The following CAMTA1 variants were observed in gnomAD, a reference collection of about 807,000 sequenced individuals.
The protein encoded by CAMTA1 is calmodulin binding transcription activator 1.
A neutral mutation model predicts 170.9 loss-of-function variants in CAMTA1; 27 were observed. That is an observed-to-expected ratio of 0.16 (90% CI 0.12 to 0.22). The LOEUF is 0.22. CAMTA1 is among the 10% of genes least tolerant of loss of function. The pLI is 1.00. For missense variants in CAMTA1, 1,619 were observed against 2,217.2 expected (o/e 0.73, Z 5.42); for synonymous variants, 833 against 891.5 (o/e 0.93, Z 1.17).
intron 6 of CAMTA1, among the ~76,000 whole-genome samples, chr1:7,558,645 C>T (rs2094913572): frequency 6.6e-6 from 1 of 152,254 alleles, no homozygotes; most frequent in South Asian, 2.1e-4. Flanking sequence ...ATCCCTGTCC[C>T]CCCAGCCCCG....
At chr1:7,338,259 C>T (rs1322630179) in intron 5 of CAMTA1, among the ~76,000 whole-genome samples, 1 of 152,026 alleles carries the variant, frequency 6.6e-6, no homozygotes. Flanking sequence ...AGAGTGCACC[C>T]CCTTCCACAG....
intron 3 of CAMTA1, among the ~76,000 whole-genome samples, chr1:7,090,356 G>A (rs916672903): frequency 1.0e-3 from 159 of 152,290 alleles, no homozygotes; most frequent in Non-Finnish European, 4.9e-4. Flanking sequence ...TAGGAACCCC[G>A]GCTGCAGAGA....
At chr1:7,141,245 C>T (rs552768442) in intron 4 of CAMTA1, among the ~76,000 whole-genome samples, 1 of 152,274 alleles carries the variant, frequency 6.6e-6, no homozygotes, top group African/African-American at 2.4e-5. Flanking sequence ...CTGGGCTCTT[C>T]CTGACTTGCC....
intron 11 of CAMTA1, among the ~76,000 whole-genome samples, chr1:7,684,293 G>A (rs575097708): frequency 6.6e-6 from 1 of 152,322 alleles, no homozygotes; most frequent in South Asian, 2.1e-4. Context: ...GCCACCTGCG[G>A]GCCAGATGGC....
chr1:7,391,146 T>C (rs904888947), intron 5 of CAMTA1, among the ~76,000 whole-genome samples: 2 of 152,148 alleles, frequency 1.3e-5, no homozygotes, highest in Non-Finnish European at 2.9e-5. Context: ...TACAGGCATG[T>C]GCCACCATGC....
chr1:6,895,355 T>C (rs1675400170), intron 3 of CAMTA1, among the ~76,000 whole-genome samples: 2 of 152,214 alleles, frequency 1.3e-5, no homozygotes, highest in Non-Finnish European at 2.9e-5. Flanking sequence ...TACATCCATC[T>C]TTGCACATCT....
chr1:7,357,418 G>T (rs969414861), intron 5 of CAMTA1, among the ~76,000 whole-genome samples: 3 of 152,164 alleles, frequency 2.0e-5, no homozygotes, highest in Admixed American at 6.5e-5. Context: ...CCCCTTGCCG[G>T]GCTCTCAAGT....
chr1:6,801,424 G>A (rs183494512), intron 1 of CAMTA1, among the ~76,000 whole-genome samples: 284 of 152,218 alleles, frequency 1.9e-3, no homozygotes, highest in African/African-American at 5.5e-3. Flanking sequence ...GTTGTTGTGG[G>A]TGCTCTTTGC....
At chr1:7,129,820 C>T (rs1645142268) in intron 4 of CAMTA1, among the ~76,000 whole-genome samples, 1 of 152,134 alleles carries the variant, frequency 6.6e-6, no homozygotes, top group African/African-American at 2.4e-5. Flanking sequence ...CTCTAGACAA[C>T]CACTTACCTG....
intron 22 of CAMTA1, among the ~76,000 whole-genome samples, chr1:7,763,263 A>G (rs1044998567): frequency 6.6e-6 from 1 of 151,882 alleles, no homozygotes; most frequent in East Asian, 1.9e-4. Context: ...TTTTTTTTCT[A>G]ATTCCTCCTT....
chr1:7,003,704 T>C lies in CAMTA1; in HGVS notation c.235-87600T>C, dbSNP rs144961825. ...ATCATGGGAGGCCACAGAGGTACTT[T>C]GTTCAGAAGTTATTGTTTCCATTAG... On this transcript the variant is annotated intron_variant, in intron 3 of 22. Coordinates refer to ENST00000303635, the MANE Select transcript of CAMTA1 (RefSeq NM_015215.4). Among the ~76,000 whole-genome samples the C allele has an allele frequency of 8.9e-4, 135 of 152,358 alleles. 3 individuals are homozygous for C. In the East Asian group the frequency reaches 0.024, roughly 27 times the overall value.
rs1305116671 is a variant in CAMTA1 at position 7,463,993 on chromosome 1, A to C, written c.439-3837A>C. The stretch of plus-strand genomic sequence containing the variant: ...ACTTTTTTATAAAAATAAATAAATA[A>C]ATAAGCCCTATAGTGTCATAAAAGC... On this transcript the variant is annotated intron_variant, in intron 5 of 22. Coordinates refer to ENST00000303635, the MANE Select transcript of CAMTA1 (RefSeq NM_015215.4). This position sits in a 1 kb window ranked among gnomAD's most constrained non-coding sequence, Gnocchi z 4.7. Among the ~76,000 whole-genome samples, 2 of 152,248 alleles carry C rather than the reference A, an allele frequency of 1.3e-5. No homozygotes were observed. Among genetic ancestry groups the C allele is most frequent in the Non-Finnish European group, 2.9e-5 (2 of 68,050 alleles).
rs1362763207 is a variant in CAMTA1, at chr1:7,609,977, A to G, written c.511-30423A>G. 6.6e-6 allele frequency among the ~76,000 whole-genome samples: 1 copy of G among 152,196 alleles called. No homozygotes were observed. Among genetic ancestry groups the G allele is most frequent in the African/African-American group, 2.4e-5 (1 of 41,450 alleles). ...CTCCAAGTCTCTTTACCTGAAATAC[A>G]GCACCTGCCGGGTCTGTCCACACTG... On this transcript the variant is annotated intron_variant, in intron 6 of 22. Transcript: ENST00000303635. This position sits in a 1 kb window ranked among gnomAD's most constrained non-coding sequence, Gnocchi z 4.4.
intron 6 of CAMTA1, among the ~76,000 whole-genome samples, chr1:7,605,505 G>A (rs1453994311): frequency 1.3e-5 from 2 of 152,218 alleles, no homozygotes; most frequent in African/African-American, 4.8e-5. Context: ...ATAATCTCCT[G>A]GTGTGCCGTT....
At chr1:7,365,213 G>A (rs973127271) in intron 5 of CAMTA1, among the ~76,000 whole-genome samples, 26 of 84,236 alleles carry the variant, frequency 3.1e-4, no homozygotes, top group Admixed American at 2.6e-3. Flanking sequence ...CCTTTGAGCA[G>A]CAAGCACCTG....
chr1:6,851,997 G>A (rs1452560843), intron 3 of CAMTA1, among the ~76,000 whole-genome samples: 1 of 146,874 alleles, frequency 6.8e-6, no homozygotes, highest in Non-Finnish European at 1.5e-5. Flanking sequence ...CTAGGTGAGA[G>A]TGAGACTCTA....
rs190449596 is a variant in CAMTA1, at chr1:7,765,501, C to G, written c.4990-958C>G. Among the ~76,000 whole-genome samples, 412 of 152,194 alleles carry G rather than the reference C, an allele frequency of 2.7e-3. 2 individuals carry two copies. The highest frequency in any genetic ancestry group is 9.0e-3 in the African/African-American group (373 of 41,530). The stretch of plus-strand genomic sequence containing the variant: ...ATGTTTGATGAATAGAACGAAGTAC[C>G]TTATCAGTATCGCACCCTATGGCTG... On this transcript the variant is annotated intron_variant, in intron 22 of 22. Transcript: ENST00000303635.
intron 3 of CAMTA1, among the ~76,000 whole-genome samples, chr1:6,960,259 G>A (rs970041850): frequency 1.3e-5 from 2 of 152,180 alleles, no homozygotes; most frequent in African/African-American, 4.8e-5. Flanking sequence ...TTTCCTGGGG[G>A]CAGAGAGCAG....
At chr1:7,572,057 T>C (rs964101101) in intron 6 of CAMTA1, among the ~76,000 whole-genome samples, 1 of 152,212 alleles carries the variant, frequency 6.6e-6, no homozygotes, top group African/African-American at 2.4e-5. Context: ...GGTATCTCAT[T>C]GTGGTTTTGA....
Sources: gnomAD v4.1 joint callset for allele counts (sites outside exome capture counted in the v4.1 genomes callset) on GRCh38, gnomAD v4.1.1 for gene constraint, Gnocchi (gnomAD v3.1) non-coding constraint, MANE v1.5 for transcripts, NCBI Gene and HGNC (gene_info 2026-07-23, HGNC 2026-07-21) for gene names.